SORCS3: variants seen among roughly 807,000 people sequenced by gnomAD.
SORCS3 encodes VPS10 domain-containing receptor SorCS3.
In SORCS3, 57 loss-of-function variants were observed where a neutral mutation model predicts 146.3. The observed-to-expected ratio is 0.39, with a 90% CI of 0.31 to 0.49. SORCS3 has a LOEUF of 0.49. Among genes scored for constraint, SORCS3 ranks in the 20% least tolerant of loss-of-function variants. The pLI, the probability that SORCS3 is intolerant of heterozygous loss-of-function variation, is 0.92. For synonymous variants in SORCS3, 653 were observed against 618.5 expected, an observed-to-expected ratio of 1.06 and a Z score of -0.83; for missense variants, 1,341 against 1,575.5, an observed-to-expected ratio of 0.85 and a Z score of 2.52.
At chr10:105,153,634 A>C (rs916704346) in intron 9 of SORCS3, among the ~76,000 whole-genome samples, 1 of 129,714 alleles carries the variant, frequency 7.7e-6, no homozygotes, top group Non-Finnish European at 1.6e-5. Context: ...AGAGAGAGAG[A>C]GTGTGTGTGT....
At chr10:105,198,516 G>A (rs548992903) in intron 14 of SORCS3, among the ~76,000 whole-genome samples, 27 of 152,274 alleles carry the variant, frequency 1.8e-4, no homozygotes, top group African/African-American at 4.3e-4. Context: ...TGGACTGACC[G>A]CTATGTAAAA....
At chr10:105,143,538 T>G (rs1589653592) in intron 8 of SORCS3, among the ~76,000 whole-genome samples, 4 of 152,330 alleles carry the variant, frequency 2.6e-5, no homozygotes, top group Non-Finnish European at 4.4e-5. Flanking sequence ...ATCTTTCAAC[T>G]ATGTTTACTT....
At chr10:104,931,276 C>T (rs1330495875) in intron 3 of SORCS3, among the ~76,000 whole-genome samples, 2 of 152,166 alleles carry the variant, frequency 1.3e-5, no homozygotes, top group African/African-American at 4.8e-5. Context: ...TGTTAGATTA[C>T]ACAGAAAGAC....
chr10:104,736,744 ACTT>A (rs539047044), intron 1 of SORCS3, among the ~76,000 whole-genome samples: 101 of 145,750 alleles, frequency 6.9e-4, no homozygotes, highest in African/African-American at 2.4e-3. Context: ...TCTTTCTTTG[ACTT>A]CTTCTTTTCT....
chr10:104,968,830 TC>T (rs1347388479), intron 3 of SORCS3, among the ~76,000 whole-genome samples: 1 of 152,234 alleles, frequency 6.6e-6, no homozygotes, highest in Non-Finnish European at 1.5e-5. Flanking sequence ...ATCCATAAAT[TC>T]AGTCCACAGA....
intron 4 of SORCS3, among the ~76,000 whole-genome samples, chr10:104,977,947 G>A (rs1191140116): frequency 1.3e-5 from 2 of 151,878 alleles, no homozygotes; most frequent in African/African-American, 2.4e-5. Context: ...GGCCAGGATG[G>A]TCTCGATCTC....
intron 4 of SORCS3, among the ~76,000 whole-genome samples, chr10:105,026,412 ACTTCCCTGATG>A (rs2133692394): frequency 6.6e-6 from 1 of 152,300 alleles, no homozygotes; most frequent in African/African-American, 2.4e-5. Context: ...GCATCAGTAG[ACTTCCCTGATG>A]CATGAAAGGA....
chr10:104,685,412 G>T (rs1047601396), intron 1 of SORCS3, among the ~76,000 whole-genome samples: 10 of 152,138 alleles, frequency 6.6e-5, no homozygotes, highest in Non-Finnish European at 1.2e-4. Context: ...TGTTCTTCTG[G>T]AGTGAGATCA....
At chr10:105,252,025 G>A (rs2056902214) in intron 22 of SORCS3, among the ~76,000 whole-genome samples, 1 of 152,098 alleles carries the variant, frequency 6.6e-6, no homozygotes, top group Non-Finnish European at 1.5e-5. Flanking sequence ...AGTCTATCAG[G>A]TGATTATACC....
At chr10:104,646,938 G>A (rs2015502918) in intron 1 of SORCS3, among the ~76,000 whole-genome samples, 1 of 152,092 alleles carries the variant, frequency 6.6e-6, no homozygotes, top group Non-Finnish European at 1.5e-5. Flanking sequence ...GTAGTCAGTG[G>A]AGATGAGGGA....
At chr10:104,989,238 G>A (rs2054980148) in intron 4 of SORCS3, among the ~76,000 whole-genome samples, 1 of 152,224 alleles carries the variant, frequency 6.6e-6, no homozygotes, top group Non-Finnish European at 1.5e-5. Context: ...ACAATTGTTT[G>A]CATTTGAAGT....
intron 15 of SORCS3, among the ~76,000 whole-genome samples, chr10:105,200,832 G>T (rs572829635): frequency 6.6e-6 from 1 of 152,270 alleles, no homozygotes; most frequent in East Asian, 1.9e-4. Context: ...AAGATGCCTG[G>T]AGTCCTTACA....
chr10:105,082,795 A>G (rs141468874), intron 5 of SORCS3, among the ~76,000 whole-genome samples: 6,723 of 152,240 alleles, frequency 0.044, 203 homozygotes, highest in Middle Eastern at 0.068. Context: ...CAATGGTGCG[A>G]TCTTGGCTCA....
At chr10:105,067,841 T>C (rs2055531959) in intron 5 of SORCS3, among the ~76,000 whole-genome samples, 1 of 152,108 alleles carries the variant, frequency 6.6e-6, no homozygotes, top group African/African-American at 2.4e-5. Flanking sequence ...TTCTTGTTTT[T>C]CTTTTTACCT....
At chr10:104,971,903 A>C (rs2054862735) in intron 3 of SORCS3, among the ~76,000 whole-genome samples, 1 of 152,186 alleles carries the variant, frequency 6.6e-6, no homozygotes, top group African/African-American at 2.4e-5. Context: ...TTGTGGTATC[A>C]AAGGCTGCTA....
chr10:104,799,342 C>A (rs2017596586), intron 1 of SORCS3, among the ~76,000 whole-genome samples: 1 of 152,288 alleles, frequency 6.6e-6, no homozygotes, highest in East Asian at 1.9e-4. Flanking sequence ...GGCATATATA[C>A]ACCATGGAAT....
intron 9 of SORCS3, among the ~76,000 whole-genome samples, chr10:105,153,795 G>T (rs1222458140): frequency 6.6e-6 from 1 of 152,000 alleles, no homozygotes; most frequent in Non-Finnish European, 1.5e-5. Flanking sequence ...TCGAGGCTGG[G>T]CGCGGTGGCT....
chr10:105,042,001 A>T (rs1047520742), intron 4 of SORCS3, among the ~76,000 whole-genome samples: 4 of 152,236 alleles, frequency 2.6e-5, no homozygotes, highest in Non-Finnish European at 5.9e-5. Flanking sequence ...ACCAAGACTT[A>T]TCTTCTCCAA....
intron 1 of SORCS3, among the ~76,000 whole-genome samples, chr10:104,803,302 T>C (rs192493445): frequency 6.6e-6 from 1 of 152,100 alleles, no homozygotes; most frequent in African/African-American, 2.4e-5. Context: ...AGGGGATGGG[T>C]GAGGGAGGAG....
Sources: allele counts gnomAD v4.1 joint callset (sites outside exome capture counted in the v4.1 genomes callset), GRCh38; gene constraint gnomAD v4.1.1; transcripts MANE v1.5; gene names NCBI Gene and HGNC (gene_info 2026-07-23, HGNC 2026-07-21).